BCL2: variants seen among roughly 807,000 people sequenced by gnomAD.
The protein encoded by BCL2 is apoptosis regulator Bcl-2.
A neutral mutation model predicts 14.2 loss-of-function variants in BCL2; 1 was observed. That is an observed-to-expected ratio of 0.07 (90% CI 0.02 to 0.33). The LOEUF is 0.33. Among genes scored for constraint, BCL2 ranks in the 10% least tolerant of loss-of-function variants. The pLI is 0.99. For synonymous variants in BCL2, 151 were observed against 137.2 expected (o/e 1.10, Z -0.70); for missense variants, 247 against 305.9 (o/e 0.81, Z 1.44).
intron 2 of BCL2, among the ~76,000 whole-genome samples, chr18:63,148,269 T>A (rs889692802): frequency 1.3e-5 from 2 of 152,140 alleles, no homozygotes; most frequent in Non-Finnish European, 2.9e-5. Flanking sequence ...AAGTCAGTAT[T>A]TTTTCCTTTT....
At chr18:63,280,919 A>C (rs1321632701) in intron 2 of BCL2, among the ~76,000 whole-genome samples, 1 of 152,210 alleles carries the variant, frequency 6.6e-6, no homozygotes, top group Non-Finnish European at 1.5e-5. Flanking sequence ...ATTAGTCCAA[A>C]AGGGGAAGCA....
Position 63,128,738 on chromosome 18 carries a change from C to G in BCL2, c.607G>C (p.Gly203Arg), listed in dbSNP as rs148811059. 1 of 780,614 alleles carries G rather than the reference C, an allele frequency of 1.3e-6. No homozygotes were observed. Among genetic ancestry groups the G allele is most frequent in the Admixed American group, 1.7e-5 (1 of 59,002 alleles). The allele number at this position is 780,614 out of a possible 1,614,324, so 48.4% of individuals were successfully genotyped here. A position where few individuals can be genotyped will look rare whatever the true frequency, so the allele number is the denominator to read the frequency against. ...TCAAACAGAGGCCGCATGCTGGGGC[C>G]GTACAGTTCCACAAAGGCATCCTGC... ...GGWDAFVELY[G>R]PSMRPLFDFS... The change falls in exon 3 of 3, where the codon GGC becomes CGC. Residue 203 changes from glycine to arginine, a missense_variant. Coordinates refer to ENST00000333681, the MANE Select transcript of BCL2 (RefSeq NM_000633.3).
chr18:63,195,637 T>C (rs1048180794), intron 2 of BCL2, among the ~76,000 whole-genome samples: 2 of 152,266 alleles, frequency 1.3e-5, no homozygotes, highest in Admixed American at 1.3e-4. Flanking sequence ...TGCAGCAGTA[T>C]GTTTTTATGA....
intron 2 of BCL2, among the ~76,000 whole-genome samples, chr18:63,295,464 A>G (rs962738613): frequency 1.3e-5 from 2 of 152,182 alleles, no homozygotes; most frequent in East Asian, 3.9e-4. Context: ...CATCATTGAT[A>G]GCTTATTAAT....
chr18:63,259,854 A>G (rs1312735273), intron 2 of BCL2, among the ~76,000 whole-genome samples: 1 of 151,702 alleles, frequency 6.6e-6, no homozygotes, highest in African/African-American at 2.4e-5. Flanking sequence ...TATTCTGTGA[A>G]CTCTCCCTTC....
chr18:63,169,299 T>TC (rs1915139896), intron 2 of BCL2, among the ~76,000 whole-genome samples: 1 of 86,588 alleles, frequency 1.2e-5, no homozygotes, highest in African/African-American at 5.9e-5. Flanking sequence ...TTTCTTTCTT[T>TC]CTTTCTTTCT....
At chr18:63,229,671 C>T (rs535418672) in intron 2 of BCL2, among the ~76,000 whole-genome samples, 3 of 152,294 alleles carry the variant, frequency 2.0e-5, no homozygotes, top group African/African-American at 7.2e-5. Flanking sequence ...TGTGGCTTTC[C>T]TAGAAGCTGA....
chr18:63,148,446 T>C (rs1286863885), intron 2 of BCL2, among the ~76,000 whole-genome samples: 1 of 152,194 alleles, frequency 6.6e-6, no homozygotes, highest in Non-Finnish European at 1.5e-5. Context: ...ACCAGCACCA[T>C]ATAAATGAGA....
At chr18:63,178,865 G>A (rs901484370) in intron 2 of BCL2, among the ~76,000 whole-genome samples, 1 of 148,642 alleles carries the variant, frequency 6.7e-6, no homozygotes, top group East Asian at 2.0e-4. Flanking sequence ...TTAAAGGGCA[G>A]GTTCCCAGGC....
chr18:63,188,636 T>C (rs954532352), intron 2 of BCL2, among the ~76,000 whole-genome samples: 3 of 152,186 alleles, frequency 2.0e-5, no homozygotes, highest in Non-Finnish European at 2.9e-5. Flanking sequence ...TTAATTATAC[T>C]CATTTTACCA....
chr18:63,240,613 G>T (rs148696070), intron 2 of BCL2, among the ~76,000 whole-genome samples: 207 of 152,354 alleles, frequency 1.4e-3, no homozygotes, highest in African/African-American at 4.8e-3. Flanking sequence ...GATTTCTCAT[G>T]AAGTTCCCTA....
rs1913948905 is a variant in BCL2 at position 63,127,758 on chromosome 18, G to A, written c.*867C>T. 1 of 225,430 alleles carries A rather than the reference G, an allele frequency of 4.4e-6. No individual in the cohort carries two copies. Among genetic ancestry groups the A allele is most frequent in the Non-Finnish European group, 8.8e-6 (1 of 113,026 alleles). The allele number at this position is 225,430 out of a possible 1,614,324, so 14.0% of individuals were successfully genotyped here. ...AATGTTCACTTCCTCAAGTTCCAGA[G>A]GATTCTGTTTCTTACTCAGACAGAG... On this transcript the variant is annotated 3_prime_UTR_variant, in exon 3 of 3. Transcript: ENST00000333681.
intron 2 of BCL2, among the ~76,000 whole-genome samples, chr18:63,257,708 T>C (rs1050742588): frequency 6.6e-6 from 1 of 152,210 alleles, no homozygotes; most frequent in Non-Finnish European, 1.5e-5. Context: ...GTGAATGCTT[T>C]CATTTTTTAA....
intron 2 of BCL2, among the ~76,000 whole-genome samples, chr18:63,250,625 A>C (rs558497793): frequency 4.3e-4 from 66 of 152,326 alleles, no homozygotes; most frequent in African/African-American, 1.6e-3. Context: ...CTCTAGGAGT[A>C]CCCTTTTTCA....
intron 2 of BCL2, among the ~76,000 whole-genome samples, chr18:63,182,287 C>T (rs1915494947): frequency 6.6e-6 from 1 of 152,216 alleles, no homozygotes; most frequent in South Asian, 2.1e-4. Flanking sequence ...CCACAGCCTG[C>T]ACAATCAGGA....
Position 63,179,433 on chromosome 18 carries a change from A to T in BCL2, c.586-50674T>A, listed in dbSNP as rs139182959. On this transcript the variant is annotated intron_variant, in intron 2 of 2. Transcript: ENST00000333681. ...TCCCTCTAGGGCCCCTGGGGCTCTCATCTCATCCCAAATATTTGGAACTGT... is the reference window on the plus strand; with the variant it reads ...TCCCTCTAGGGCCCCTGGGGCTCTCTTCTCATCCCAAATATTTGGAACTGT... Among the ~76,000 whole-genome samples the T allele has an allele frequency of 8.5e-3, 1,288 of 152,266 alleles. 17 individuals carry two copies. Among genetic ancestry groups the T allele is most frequent in the South Asian group, 0.045 (218 of 4,816 alleles).
chr18:63,200,152 C>T (rs985133588), intron 2 of BCL2, among the ~76,000 whole-genome samples: 2 of 152,188 alleles, frequency 1.3e-5, no homozygotes, highest in East Asian at 1.9e-4. Flanking sequence ...GCACAAACCT[C>T]GCCTCCCTCA....
chr18:63,212,233 A>G (rs920361450), intron 2 of BCL2, among the ~76,000 whole-genome samples: 8 of 150,944 alleles, frequency 5.3e-5, no homozygotes, highest in Admixed American at 1.3e-4. Flanking sequence ...GGCTGAGGCG[A>G]GACAGAATTG....
chr18:63,290,580 C>A (rs1414705426), intron 2 of BCL2, among the ~76,000 whole-genome samples: 1 of 152,152 alleles, frequency 6.6e-6, no homozygotes, highest in Non-Finnish European at 1.5e-5. Flanking sequence ...TAGTAAGGAC[C>A]ATCACAGTAA....
Sources: gnomAD v4.1 joint callset for allele counts (sites outside exome capture counted in the v4.1 genomes callset) on GRCh38, gnomAD v4.1.1 for gene constraint, MANE v1.5 for transcripts, NCBI Gene and HGNC (gene_info 2026-07-23, HGNC 2026-07-21) for gene names.